The following PXK variants were observed in gnomAD, a reference collection of about 807,000 sequenced individuals.
The protein encoded by PXK is PX domain-containing protein kinase-like protein.
A neutral mutation model predicts 84.7 loss-of-function variants in PXK; 35 were observed. The observed-to-expected ratio is 0.41, with a 90% CI of 0.32 to 0.55. The LOEUF (loss-of-function observed/expected upper bound fraction) is 0.55. Ranked by LOEUF, PXK falls within the 20% of genes least tolerant of loss-of-function variation. The probability of loss-of-function intolerance (pLI) is 0.21; values close to 1 mark genes in which losing one functional copy is unlikely to be tolerated. For synonymous variants in PXK, 253 were observed against 260.8 expected, an observed-to-expected ratio of 0.97 and a Z score of 0.29; for missense variants, 634 against 699.7, an observed-to-expected ratio of 0.91 and a Z score of 1.06.
intron 3 of PXK, among the ~76,000 whole-genome samples, chr3:58,382,127 C>T (rs2098509273): frequency 6.6e-6 from 1 of 152,112 alleles, no homozygotes; most frequent in Non-Finnish European, 1.5e-5. Flanking sequence ...ATCAGCCTGG[C>T]CAACATGGTA....
chr3:58,352,058 G>C (rs2097938660), intron 1 of PXK, among the ~76,000 whole-genome samples: 1 of 152,246 alleles, frequency 6.6e-6, no homozygotes, highest in African/African-American at 2.4e-5. Flanking sequence ...AGGCTGCAAA[G>C]CTAATAAGCA....
At position 58,425,184 on chromosome 3, in the gene PXK, C is replaced by T. The variant is rs1433105188; in HGVS notation, c.*224C>T. 1 of 601,750 alleles carries T rather than the reference C, an allele frequency of 1.7e-6. No individual in the cohort carries two copies. Among genetic ancestry groups the T allele is most frequent in the African/African-American group, 1.9e-5 (1 of 53,706 alleles). The allele number at this position is 601,750 out of a possible 1,614,324, so 37.3% of individuals were successfully genotyped here. On this transcript the variant is annotated 3_prime_UTR_variant, in exon 18 of 18. Coordinates refer to ENST00000356151, the MANE Select transcript of PXK (RefSeq NM_017771.5). ...TTAAGATCTTGCTCCTTTATTAACC[C>T]TGTAAAGGAGTCTTGTTTATCCTCT... is the stretch of plus-strand genomic sequence containing the variant.
At chr3:58,339,478 C>T (rs1191934613) in intron 1 of PXK, among the ~76,000 whole-genome samples, 2 of 152,000 alleles carry the variant, frequency 1.3e-5, no homozygotes, top group African/African-American at 4.8e-5. Context: ...GATCTGCCTG[C>T]CTCGGCCTTC....
intron 1 of PXK, among the ~76,000 whole-genome samples, chr3:58,358,983 T>C (rs2098135410): frequency 6.6e-6 from 1 of 152,160 alleles, no homozygotes; most frequent in Admixed American, 6.5e-5. Flanking sequence ...AGGAATGGAA[T>C]GCAGTACCTT....
rs1295270738 is a variant in PXK at position 58,332,961 on chromosome 3, C to G, written c.-28C>G. ...CGCCTCGGGTTCCTACCTCGCGTCC[C>G]TAGGCGGCGGCGGCCGGGCGTCCCG... On this transcript the variant is annotated 5_prime_UTR_variant, in exon 1 of 18. Transcript: ENST00000356151. The surrounding 1 kb of genome is among the most constrained non-coding windows in gnomAD (Gnocchi z 5.6). 3 of 1,336,450 alleles carry G rather than the reference C, an allele frequency of 2.2e-6. No homozygotes were observed. The highest frequency in any genetic ancestry group is 1.5e-5 in the South Asian group (1 of 67,884). The allele number at this position is 1,336,450 out of a possible 1,614,324, so 82.8% of individuals were successfully genotyped here.
chr3:58,406,857 A>G lies in PXK; in HGVS notation c.1231-2067A>G, dbSNP rs116713050. Among the ~76,000 whole-genome samples, 867 of 152,330 alleles carry G rather than the reference A, an allele frequency of 5.7e-3. 7 individuals carry two copies. Among genetic ancestry groups the G allele is most frequent in the Non-Finnish European group, 0.011 (717 of 68,026 alleles). ...TTATTTCACTTAGCATAATGTCCTC[A>G]AGGTTCATCTATATTGTAACATGTA... On this transcript the variant is annotated intron_variant, in intron 13 of 17. Transcript: ENST00000356151.
intron 1 of PXK, among the ~76,000 whole-genome samples, chr3:58,340,041 C>T (rs560488676): frequency 3.9e-5 from 6 of 151,944 alleles, no homozygotes; most frequent in South Asian, 2.1e-4. Context: ...TGGTCTTGAA[C>T]TCCTGACCTC....
At chr3:58,373,825 C>CACG (rs1168591205) in intron 3 of PXK, among the ~76,000 whole-genome samples, 1 of 151,956 alleles carries the variant, frequency 6.6e-6, no homozygotes, top group Non-Finnish European at 1.5e-5. Flanking sequence ...GTGGGTGGAT[C>CACG]ACGAGGTCAG....
chr3:58,349,223 G>T (rs2097876337), intron 1 of PXK, among the ~76,000 whole-genome samples: 1 of 152,126 alleles, frequency 6.6e-6, no homozygotes, highest in African/African-American at 2.4e-5. Flanking sequence ...GACAGAGCCA[G>T]ACCCCATCTC....
At chr3:58,391,259 T>C in intron 6 of PXK, 39 bp downstream of exon 6, 1 of 1,534,450 alleles carries the variant, frequency 6.5e-7, no homozygotes, top group Non-Finnish European at 9.0e-7. Context: ...TCAGTGACTT[T>C]AGATGGGTTA....
At chr3:58,377,847 A>T (rs1219672025) in intron 3 of PXK, among the ~76,000 whole-genome samples, 1 of 152,226 alleles carries the variant, frequency 6.6e-6, no homozygotes, top group Non-Finnish European at 1.5e-5. Context: ...AAGCAAATGT[A>T]GGAAGGCAGA....
intron 1 of PXK, among the ~76,000 whole-genome samples, chr3:58,344,997 C>T (rs1304272312): frequency 1.3e-5 from 2 of 152,212 alleles, no homozygotes; most frequent in African/African-American, 4.8e-5. Context: ...AGTACATAGA[C>T]ATTTGATCTC....
In PXK at chr3:58,420,968, T is replaced by A. The variant is rs75064679; in HGVS notation, c.1529-3784T>A. Reference sequence around the variant, plus strand: ...GAGTGTTAGGCACTTGAGCTCTTAGTTACAGGGAGACAACTTACTGGCTTT... The same window carrying A: ...GAGTGTTAGGCACTTGAGCTCTTAGATACAGGGAGACAACTTACTGGCTTT... On this transcript the variant is annotated intron_variant, in intron 17 of 17. Coordinates refer to ENST00000356151, the MANE Select transcript of PXK (RefSeq NM_017771.5). The A allele has an allele frequency of 6.5e-4, 669 of 1,022,082 alleles. 4 individuals are homozygous for A. The African/African-American group carries it at 0.011, about 17-fold the overall frequency. The allele number at this position is 1,022,082 out of a possible 1,614,324, so 63.3% of individuals were successfully genotyped here.
At chr3:58,343,852 G>A (rs543809602) in intron 1 of PXK, among the ~76,000 whole-genome samples, 64 of 152,300 alleles carry the variant, frequency 4.2e-4, no homozygotes, top group African/African-American at 1.2e-3. Context: ...CATTGTACCT[G>A]CCAAGCGGGT....
chr3:58,390,452 T>TA lies in PXK; in HGVS notation c.389-130_389-129insA, dbSNP rs1235034683. Reference sequence around the variant, plus strand: ...GTGTATTTTCTTTCTTTATTATTATTTTTTTTTTGGTAATTAAGTTTTTTA... The same window carrying TA: ...GTGTATTTTCTTTCTTTATTATTATTATTTTTTTTGGTAATTAAGTTTTTTA... On this transcript the variant is annotated intron_variant, in intron 4 of 17. Transcript: ENST00000356151. The surrounding 1 kb of genome is among the most constrained non-coding windows in gnomAD (Gnocchi z 4.2). 2.1e-6 allele frequency: 1 copy of TA among 483,734 alleles called. No homozygotes were observed. Among genetic ancestry groups the TA allele is most frequent in the African/African-American group, 2.0e-5 (1 of 49,342 alleles). The allele number at this position is 483,734 out of a possible 1,614,324, so 30.0% of individuals were successfully genotyped here. A position where few individuals can be genotyped will look rare whatever the true frequency, so the allele number is the denominator to read the frequency against.
chr3:58,423,572 TGTTG>T, intron 17 of PXK: 1 of 1,516,880 alleles, frequency 6.6e-7, no homozygotes, highest in South Asian at 1.2e-5. Context: ...CTGAGTATTG[TGTTG>T]GTGATTCTGA....
At chr3:58,376,098 G>A (rs2098439700) in intron 3 of PXK, among the ~76,000 whole-genome samples, 3 of 152,116 alleles carry the variant, frequency 2.0e-5, no homozygotes, top group Admixed American at 2.0e-4. Context: ...GAAATATGCT[G>A]GAGGAAGTTA....
chr3:58,395,061 A>T lies in PXK; in HGVS notation c.679A>T (p.Met227Leu), dbSNP rs377485102. The change falls in exon 8 of 18, where the codon ATG becomes TTG. Residue 227 changes from methionine (M) to leucine (L), a missense_variant. This residue lies in a region of PXK where 353 missense variants were observed against 385.2 expected (regional missense o/e 0.92). Transcript: ENST00000356151. ...TGAATCCTCAGCGTTGCTAATTAGG[A>T]TGTTTAACGAAAAGGGAACATTGAA... ...ANESSALLIR[M>L]FNEKGTLKDL... The T allele has an allele frequency of 1.9e-6, 3 of 1,613,442 alleles. No individual in the cohort carries two copies. In the African/African-American group the frequency reaches 4.0e-5, roughly 22 times the overall value.
At chr3:58,424,286 G>C (rs562835926) in intron 17 of PXK, among the ~76,000 whole-genome samples, 4 of 152,276 alleles carry the variant, frequency 2.6e-5, no homozygotes, top group African/African-American at 9.6e-5. Context: ...TTGGAGCAGC[G>C]AAAGAACTGT....
Sources: gnomAD v4.1 joint callset for allele counts (sites outside exome capture counted in the v4.1 genomes callset) on GRCh38, gnomAD v4.1.1 for gene constraint, gnomAD v4.1.1 regional missense constraint, Gnocchi (gnomAD v3.1) non-coding constraint, MANE v1.5 for transcripts, NCBI Gene and HGNC (gene_info 2026-07-23, HGNC 2026-07-21) for gene names.